The following TWIST2 variants were observed in gnomAD, a reference collection of about 807,000 sequenced individuals.
TWIST2 encodes twist-related protein 2.
TWIST2 carries 1 observed loss-of-function variant against 11.6 expected under a neutral mutation model. The ratio of observed to expected loss-of-function variants is 0.09; its 90% CI spans 0.03 to 0.41. The LOEUF is 0.41. Ranked by LOEUF, TWIST2 falls within the 10% of genes least tolerant of loss-of-function variation. TWIST2 has a pLI of 0.98. For synonymous variants in TWIST2, 87 were observed against 96.6 expected, an observed-to-expected ratio of 0.90 and a Z score of 0.58; for missense variants, 168 against 226.4, an observed-to-expected ratio of 0.74 and a Z score of 1.66.
chr2:238,870,578 CA>C lies in TWIST2; in HGVS notation c.*35+21846del, dbSNP rs1559274212. 8.5e-4 allele frequency among the ~76,000 whole-genome samples: 69 copies of C among 81,484 alleles called. 14 individuals are homozygous for C. The highest frequency in any genetic ancestry group is 9.3e-3 in the Middle Eastern group (1 of 108). 53.5% of individuals were successfully genotyped at this position (81,484 alleles called of 152,430 possible). A position where few individuals can be genotyped will look rare whatever the true frequency, so the allele number is the denominator to read the frequency against. On this transcript the variant is annotated intron_variant, in intron 1 of 1. Coordinates refer to ENST00000612363, the MANE Select transcript of TWIST2 (RefSeq NM_001271893.4). ...CACACACACCACACACCACACACCA[CA>C]CACACACACCACACACCCCACACAC...
At position 238,864,083 on chromosome 2, in the gene TWIST2, G is replaced by A. The variant is rs536544199; in HGVS notation, c.*35+15350G>A. Among the ~76,000 whole-genome samples, 30 of 152,250 alleles carry A rather than the reference G, an allele frequency of 2.0e-4. No homozygotes were observed. The highest frequency in any genetic ancestry group is 7.0e-4 in the African/African-American group (29 of 41,522). ...TTCCTTTACACCCTGGGCTACATTT[G>A]ACGCATATTTCTGGCAAATTCTGGG... On this transcript the variant is annotated intron_variant, in intron 1 of 1. Coordinates refer to ENST00000612363, the MANE Select transcript of TWIST2 (RefSeq NM_001271893.4). This position sits in a 1 kb window ranked among gnomAD's most constrained non-coding sequence, Gnocchi z 4.7.
At chr2:238,895,668 A>G (rs1693197847) in intron 1 of TWIST2, among the ~76,000 whole-genome samples, 2 of 152,184 alleles carry the variant, frequency 1.3e-5, no homozygotes, top group Non-Finnish European at 2.9e-5. Context: ...GGAAACGGGA[A>G]GGTCTCGCAG....
At position 238,863,725 on chromosome 2, in the gene TWIST2, G is replaced by A. The variant is rs1350364853; in HGVS notation, c.*35+14992G>A. On this transcript the variant is annotated intron_variant, in intron 1 of 1. Coordinates refer to ENST00000612363, the MANE Select transcript of TWIST2 (RefSeq NM_001271893.4). The surrounding 1 kb of genome is among the most constrained non-coding windows in gnomAD (Gnocchi z 4.7). ...TTCCCCGAACCCAAATTGAGAAGAG[G>A]TGCTTTGACCCCGACTCACTCAGTG... is the stretch of plus-strand genomic sequence containing the variant. Among the ~76,000 whole-genome samples, 1 of 152,172 alleles carries A rather than the reference G, an allele frequency of 6.6e-6. No individual in the cohort carries two copies. The highest frequency in any genetic ancestry group is 1.5e-5 in the Non-Finnish European group (1 of 68,030).
intron 1 of TWIST2, among the ~76,000 whole-genome samples, chr2:238,886,235 C>T (rs1178360462): frequency 2.6e-5 from 4 of 152,102 alleles, no homozygotes; most frequent in African/African-American, 7.2e-5. Flanking sequence ...TCCCAGGCTG[C>T]AGGGAAAGGA....
chr2:238,909,502 A>G (rs1693416251), intron 1 of TWIST2, among the ~76,000 whole-genome samples: 1 of 152,070 alleles, frequency 6.6e-6, no homozygotes, highest in South Asian at 2.1e-4. Flanking sequence ...TGAGGGGCTC[A>G]CCCACAGCCA....
At chr2:238,852,679 G>GCACA (rs1405565156) in intron 1 of TWIST2, among the ~76,000 whole-genome samples, 50 of 72,504 alleles carry the variant, frequency 6.9e-4, no homozygotes, top group African/African-American at 2.4e-3. Flanking sequence ...GCACATGCAC[G>GCACA]TGCACACACA....
At chr2:238,873,562 A>G (rs1367995183) in intron 1 of TWIST2, among the ~76,000 whole-genome samples, 1 of 152,172 alleles carries the variant, frequency 6.6e-6, no homozygotes, top group African/African-American at 2.4e-5. Context: ...AGCGCACACA[A>G]GAGCTACGGG....
At chr2:238,896,550 C>T (rs1693209877) in intron 1 of TWIST2, among the ~76,000 whole-genome samples, 4 of 152,326 alleles carry the variant, frequency 2.6e-5, no homozygotes, top group South Asian at 4.1e-4. Flanking sequence ...CACCTGAACA[C>T]GTCCTGAGCC....
At chr2:238,855,318 G>A (rs1294527221) in intron 1 of TWIST2, among the ~76,000 whole-genome samples, 2 of 151,756 alleles carry the variant, frequency 1.3e-5, no homozygotes, top group African/African-American at 4.8e-5. Context: ...TTCTCAAATC[G>A]GGCATCTACA....
intron 1 of TWIST2, among the ~76,000 whole-genome samples, chr2:238,898,558 C>T (rs1369691189): frequency 1.3e-5 from 2 of 152,230 alleles, no homozygotes; most frequent in African/African-American, 4.8e-5. Flanking sequence ...GCCAGCCGCT[C>T]CTGAGACACA....
intron 1 of TWIST2, among the ~76,000 whole-genome samples, chr2:238,906,513 C>T (rs1162018902): frequency 2.0e-5 from 3 of 152,080 alleles, no homozygotes; most frequent in Non-Finnish European, 4.4e-5. Context: ...TGCTCACACA[C>T]ATGCATGCAC....
chr2:238,849,906 C>T (rs1692214874), intron 1 of TWIST2, among the ~76,000 whole-genome samples: 1 of 152,228 alleles, frequency 6.6e-6, no homozygotes, highest in African/African-American at 2.4e-5. Flanking sequence ...ATCCTTCCCC[C>T]TTAGTATGTT....
intron 1 of TWIST2, among the ~76,000 whole-genome samples, chr2:238,901,908 G>A (rs1306603512): frequency 6.6e-6 from 1 of 152,148 alleles, no homozygotes; most frequent in Non-Finnish European, 1.5e-5. Context: ...TTGAGGGTGT[G>A]GTGGGGGAGG....
intron 1 of TWIST2, among the ~76,000 whole-genome samples, chr2:238,878,637 C>T (rs1020225119): frequency 7.9e-5 from 12 of 152,172 alleles, no homozygotes; most frequent in Admixed American, 5.9e-4. Context: ...AAGTTGTGCT[C>T]CTCATGTTAA....
intron 1 of TWIST2, among the ~76,000 whole-genome samples, chr2:238,854,649 C>T (rs772733127): frequency 2.0e-5 from 3 of 152,148 alleles, no homozygotes; most frequent in Non-Finnish European, 4.4e-5. Flanking sequence ...GTTTTTCTGT[C>T]GCTATCCAGA....
chr2:238,905,950 C>CGTGT (rs1207264707), intron 1 of TWIST2, among the ~76,000 whole-genome samples: 54 of 119,542 alleles, frequency 4.5e-4, no homozygotes, highest in African/African-American at 1.5e-3. Context: ...TGTGCGCGCG[C>CGTGT]GTGTGTACGT....
intron 1 of TWIST2, among the ~76,000 whole-genome samples, chr2:238,894,631 C>A (rs946450980): frequency 2.8e-4 from 43 of 152,294 alleles, no homozygotes; most frequent in African/African-American, 1.0e-3. Context: ...GGGAGTCCCA[C>A]CAATTCCTGC....
chr2:238,867,880 C>T lies in TWIST2; in HGVS notation c.*35+19147C>T, dbSNP rs996117145. Reference sequence around the variant, plus strand: ...GCAAAGGCTGGGGATGGCCGGATGGCCCTGGGACCAGCAGAAGGAGCAGGT... The same window carrying T: ...GCAAAGGCTGGGGATGGCCGGATGGTCCTGGGACCAGCAGAAGGAGCAGGT... On this transcript the variant is annotated intron_variant, in intron 1 of 1. Transcript: ENST00000612363. This position sits in a 1 kb window ranked among gnomAD's most constrained non-coding sequence, Gnocchi z 4.8. Among the ~76,000 whole-genome samples, 1 of 152,112 alleles carries T rather than the reference C, an allele frequency of 6.6e-6. No homozygotes were observed. Among genetic ancestry groups the T allele is most frequent in the Non-Finnish European group, 1.5e-5 (1 of 68,014 alleles).
chr2:238,898,397 G>A (rs1370852320), intron 1 of TWIST2, among the ~76,000 whole-genome samples: 3 of 152,252 alleles, frequency 2.0e-5, no homozygotes, highest in Non-Finnish European at 2.9e-5. Context: ...AGGCTCCGAG[G>A]CCTGAGACTG....
Sources: gnomAD v4.1 joint callset for allele counts (sites outside exome capture counted in the v4.1 genomes callset) on GRCh38, gnomAD v4.1.1 for gene constraint, Gnocchi (gnomAD v3.1) non-coding constraint, MANE v1.5 for transcripts, NCBI Gene and HGNC (gene_info 2026-07-23, HGNC 2026-07-21) for gene names.